The following NAB1 variants were observed in gnomAD, a reference collection of about 807,000 sequenced individuals.
NAB1 encodes NGFI-A-binding protein 1.
A neutral mutation model predicts 49.9 loss-of-function variants in NAB1; 25 were observed. The ratio of observed to expected loss-of-function variants is 0.50; its 90% CI spans 0.37 to 0.70. The LOEUF (loss-of-function observed/expected upper bound fraction) is 0.70. Among genes scored for constraint, NAB1 ranks in the 30% least tolerant of loss-of-function variants. The pLI is 0.00. For synonymous variants in NAB1, 198 were observed against 215.6 expected (o/e 0.92, Z 0.71); for missense variants, 489 against 575.9 (o/e 0.85, Z 1.54).
Position 190,670,569 on chromosome 2 carries a change from T to C in NAB1, c.953+110T>C. The C allele has an allele frequency of 8.2e-7, 1 of 1,223,754 alleles. No individual in the cohort carries two copies. Among genetic ancestry groups the C allele is most frequent in the Non-Finnish European group, 1.1e-6 (1 of 878,788 alleles). The allele number at this position is 1,223,754 out of a possible 1,614,324, so 75.8% of individuals were successfully genotyped here. ...ATTTCTGAAAAAGTGGAAGTATGATTATTGTTCTATGAAACTAAACAATGC... is the reference window on the plus strand; with the variant it reads ...ATTTCTGAAAAAGTGGAAGTATGATCATTGTTCTATGAAACTAAACAATGC... On this transcript the variant is annotated intron_variant, in intron 5 of 9. Transcript: ENST00000337386. This position sits in a 1 kb window ranked among gnomAD's most constrained non-coding sequence, Gnocchi z 5.3.
chr2:190,666,894 G>T lies in NAB1; in HGVS notation c.820-3432G>T, dbSNP rs1156446339. Among the ~76,000 whole-genome samples the T allele has an allele frequency of 6.6e-6, 1 of 152,112 alleles. No individual in the cohort carries two copies. Among genetic ancestry groups the T allele is most frequent in the Non-Finnish European group, 1.5e-5 (1 of 68,008 alleles). ...CTAACAGTGCTGCTGCAAGTGACGG[G>T]AATATTTTCATATTTTCCCAACTGC... On this transcript the variant is annotated intron_variant, in intron 4 of 9. Coordinates refer to ENST00000337386, the MANE Select transcript of NAB1 (RefSeq NM_005966.4). The surrounding 1 kb of genome is among the most constrained non-coding windows in gnomAD (Gnocchi z 5.6).
chr2:190,692,182 A>G lies in NAB1; in HGVS notation c.*1849A>G, dbSNP rs1228169201. The G allele has an allele frequency of 6.6e-6, 1 of 152,636 alleles. No homozygotes were observed. Among genetic ancestry groups the G allele is most frequent in the Non-Finnish European group, 1.5e-5 (1 of 68,026 alleles). 9.5% of individuals were successfully genotyped at this position (152,636 alleles called of 1,614,324 possible). On this transcript the variant is annotated 3_prime_UTR_variant, in exon 10 of 10. Transcript: ENST00000337386. The surrounding 1 kb of genome is among the most constrained non-coding windows in gnomAD (Gnocchi z 5.2). ...GCCATAGCACTGGTTAGTATATCTC[A>G]GTAGTTTCATGAAACGTTTCCTGTA... is the stretch of plus-strand genomic sequence containing the variant.
intron 6 of NAB1, among the ~76,000 whole-genome samples, chr2:190,681,277 G>T (rs866092765): frequency 9.2e-5 from 14 of 152,106 alleles, no homozygotes; most frequent in African/African-American, 3.4e-4. Flanking sequence ...CATAGGGACT[G>T]GTATATTGTA....
At chr2:190,671,616 G>A (rs1170703832) in intron 5 of NAB1, among the ~76,000 whole-genome samples, 2 of 151,770 alleles carry the variant, frequency 1.3e-5, no homozygotes, top group East Asian at 3.9e-4. Flanking sequence ...AGTGATACAT[G>A]TCCACAGTTC....
rs984747616 is a variant in NAB1 at position 190,689,015 on chromosome 2, T to C, written c.1376-1230T>C. On this transcript the variant is annotated intron_variant, in intron 9 of 9. Transcript: ENST00000337386. The surrounding 1 kb of genome is among the most constrained non-coding windows in gnomAD (Gnocchi z 4.3). Reference sequence around the variant, plus strand: ...CACTGCACCTGGCTAATTTTTTGTATTTTTAGTAGAGACGGGGTTTTACCG... The same window carrying C: ...CACTGCACCTGGCTAATTTTTTGTACTTTTAGTAGAGACGGGGTTTTACCG... Among the ~76,000 whole-genome samples the C allele has an allele frequency of 5.9e-5, 9 of 152,092 alleles. No individual in the cohort carries two copies. Among genetic ancestry groups the C allele is most frequent in the Non-Finnish European group, 1.2e-4 (8 of 67,992 alleles).
Position 190,691,905 on chromosome 2 carries a change from G to C in NAB1, c.*1572G>C, listed in dbSNP as rs1268938314. 6 of 152,624 alleles carry C rather than the reference G, an allele frequency of 3.9e-5. No individual in the cohort carries two copies. In the East Asian group the frequency reaches 1.2e-3, roughly 29 times the overall value. The allele number at this position is 152,624 out of a possible 1,614,324, so 9.5% of individuals were successfully genotyped here. On this transcript the variant is annotated 3_prime_UTR_variant, in exon 10 of 10. Coordinates refer to ENST00000337386, the MANE Select transcript of NAB1 (RefSeq NM_005966.4). This position sits in a 1 kb window ranked among gnomAD's most constrained non-coding sequence, Gnocchi z 4.1. ...CAGATCACTGTCACGTATATAAATT[G>C]CTTCTTCATTTTAATTTGTAGAAGT...
Position 190,659,725 on chromosome 2 carries a change from C to T in NAB1, c.549C>T (p.Ser183=), listed in dbSNP as rs745576664. Residue 183 remains serine, a synonymous_variant, in exon 4 of 10, where the codon TCC becomes TCT. Coordinates refer to ENST00000337386, the MANE Select transcript of NAB1 (RefSeq NM_005966.4). This position sits in a 1 kb window ranked among gnomAD's most constrained non-coding sequence, Gnocchi z 6.2. ...CAGCAGACCTGGGCTCCCCCGCGTC[C>T]CCAAAGGAGAGCAGTGAGGCGCTGG... The part of the protein sequence containing the change: ...LSPADLGSPA[S]PKESSEALDA... 7 of 1,613,872 alleles carry T rather than the reference C, an allele frequency of 4.3e-6. No homozygotes were observed. Among genetic ancestry groups the T allele is most frequent in the Non-Finnish European group, 5.9e-6 (7 of 1,179,976 alleles).
chr2:190,680,946 C>T lies in NAB1; in HGVS notation c.1006-2792C>T, dbSNP rs1324253675. ...TTAAAATGATTCTGCAAGTTAAGTA[C>T]TATTGTTATCCCCATTTTATAGATG... On this transcript the variant is annotated intron_variant, in intron 6 of 9. Coordinates refer to ENST00000337386, the MANE Select transcript of NAB1 (RefSeq NM_005966.4). The surrounding 1 kb of genome is among the most constrained non-coding windows in gnomAD (Gnocchi z 5.2). Among the ~76,000 whole-genome samples the T allele has an allele frequency of 6.6e-6, 1 of 152,138 alleles. No individual in the cohort carries two copies. Among genetic ancestry groups the T allele is most frequent in the African/African-American group, 2.4e-5 (1 of 41,422 alleles).
At chr2:190,660,908 C>T (rs561291644) in intron 4 of NAB1, among the ~76,000 whole-genome samples, 302 of 151,698 alleles carry the variant, frequency 2.0e-3, no homozygotes, top group African/African-American at 7.0e-3. Flanking sequence ...AAAATAAATG[C>T]GTTTTCAAAA....
chr2:190,670,220 A>T lies in NAB1; in HGVS notation c.820-106A>T, dbSNP rs762268515. On this transcript the variant is annotated intron_variant, in intron 4 of 9. Coordinates refer to ENST00000337386, the MANE Select transcript of NAB1 (RefSeq NM_005966.4). This position sits in a 1 kb window ranked among gnomAD's most constrained non-coding sequence, Gnocchi z 5.3. The stretch of plus-strand genomic sequence containing the variant: ...ACCATTCTGATTTTTATGAATAATG[A>T]TTCCATTATATAATGGTGTAACATT... The T allele has an allele frequency of 9.7e-7, 1 of 1,034,508 alleles. No homozygotes were observed. Among genetic ancestry groups the T allele is most frequent in the Non-Finnish European group, 1.4e-6 (1 of 736,028 alleles). 64.1% of individuals were successfully genotyped at this position (1,034,508 alleles called of 1,614,324 possible).
At chr2:190,662,395 T>TC in intron 4 of NAB1, among the ~76,000 whole-genome samples, 1 of 152,228 alleles carries the variant, frequency 6.6e-6, no homozygotes, top group African/African-American at 2.4e-5. Flanking sequence ...CTCTTTTTTT[T>TC]TTTTTTAAGC....
In NAB1 at chr2:190,661,459, T is replaced by C. The variant is rs77194674; in HGVS notation, c.819+1464T>C. 6.0e-4 allele frequency among the ~76,000 whole-genome samples: 92 copies of C among 152,276 alleles called. 3 individuals are homozygous for C. The East Asian group carries it at 0.016, about 26-fold the overall frequency. On this transcript the variant is annotated intron_variant, in intron 4 of 9. Coordinates refer to ENST00000337386, the MANE Select transcript of NAB1 (RefSeq NM_005966.4). ...GTTTCATGCTTTAACCTAGTTTTCT[T>C]ATAATTTTTAAAACATAGCAGATGA...
At chr2:190,658,504 C>G (rs1694046628) in intron 3 of NAB1, among the ~76,000 whole-genome samples, 1 of 152,204 alleles carries the variant, frequency 6.6e-6, no homozygotes, top group South Asian at 2.1e-4. Context: ...TAACTTCCTT[C>G]CTCACTTAGA....
chr2:190,655,110 A>G (rs1223408216), intron 2 of NAB1, among the ~76,000 whole-genome samples: 2 of 152,252 alleles, frequency 1.3e-5, no homozygotes, highest in African/African-American at 4.8e-5. Context: ...AAACTTGCAA[A>G]TATTTATGAC....
rs1420664336 is a variant in NAB1, at chr2:190,659,213, C to T, written c.37C>T (p.Gln13Ter). 1 of 1,612,992 alleles carries T rather than the reference C, an allele frequency of 6.2e-7. No homozygotes were observed. Among genetic ancestry groups the T allele is most frequent in the African/African-American group, 1.3e-5 (1 of 74,596 alleles). ...CTTACCCAGGACCCTGGGGGAGTTG[C>T]AGCTGTATAGAATATTACAAAAAGC... ...AALPRTLGEL[Q>*]LYRILQKANL... The change falls in exon 4 of 10, where the codon CAG (glutamine) becomes TAG (stop). Residue 13 changes from glutamine (Q) to a stop codon, truncating the protein, a stop_gained. Transcript: ENST00000337386. LOFTEE classifies it high-confidence loss of function. The surrounding 1 kb of genome is among the most constrained non-coding windows in gnomAD (Gnocchi z 6.2).
At position 190,684,699 on chromosome 2, in the gene NAB1, A is replaced by C. The variant is rs1695518160; in HGVS notation, c.1096-777A>C. ...TTCTTGTCCTACTCTCTTATATAGC[A>C]TGGTAGTGATTCATATCTGTGCATT... On this transcript the variant is annotated intron_variant, in intron 7 of 9. Transcript: ENST00000337386. This position sits in a 1 kb window ranked among gnomAD's most constrained non-coding sequence, Gnocchi z 4.6. Among the ~76,000 whole-genome samples, 1 of 152,164 alleles carries C rather than the reference A, an allele frequency of 6.6e-6. No individual in the cohort carries two copies. The highest frequency in any genetic ancestry group is 1.5e-5 in the Non-Finnish European group (1 of 68,030).
rs1347892476 is a variant in NAB1 at position 190,659,637 on chromosome 2, G to A, written c.461G>A (p.Ser154Asn). Residue 154 changes from serine (S) to asparagine (N), a missense_variant, in exon 4 of 10, where the codon AGT (serine) becomes AAT (asparagine). Transcript: ENST00000337386. This position sits in a 1 kb window ranked among gnomAD's most constrained non-coding sequence, Gnocchi z 6.2. ...SDVVGSLALQ[S>N]VGESRLWQGH... ...GTGGTTGGGAGCCTAGCACTGCAGA[G>A]TGTTGGTGAGTCCAGACTCTGGCAA... 6 of 1,613,976 alleles carry A rather than the reference G, an allele frequency of 3.7e-6. No homozygotes were observed. Among genetic ancestry groups the A allele is most frequent in the Admixed American group, 1.7e-5 (1 of 60,010 alleles).
rs1224324005 is a variant in NAB1, at chr2:190,690,792, G to C, written c.*459G>C. The C allele has an allele frequency of 6.5e-6, 1 of 152,910 alleles. No homozygotes were observed. Among genetic ancestry groups the C allele is most frequent in the African/African-American group, 2.4e-5 (1 of 41,460 alleles). The allele number at this position is 152,910 out of a possible 1,614,324, so 9.5% of individuals were successfully genotyped here. On this transcript the variant is annotated 3_prime_UTR_variant, in exon 10 of 10. Transcript: ENST00000337386. Reference sequence around the variant, plus strand: ...CAGAGTTTAGAATCTGCCTGCAGTTGTGAAAAAGAAAGCTTAAGTGATGCA... The same window carrying C: ...CAGAGTTTAGAATCTGCCTGCAGTTCTGAAAAAGAAAGCTTAAGTGATGCA...
chr2:190,673,024 A>G, intron 5 of NAB1, 77 bp from the exon 6 acceptor site: 11 of 1,370,558 alleles, frequency 8.0e-6, no homozygotes, highest in Admixed American at 1.8e-5. Context: ...GTGGAAGGTT[A>G]TAGGCTGAGA....
Sources: allele counts gnomAD v4.1 joint callset (sites outside exome capture counted in the v4.1 genomes callset), GRCh38; gene constraint gnomAD v4.1.1; non-coding constraint Gnocchi (gnomAD v3.1); transcripts MANE v1.5; gene names NCBI Gene and HGNC (gene_info 2026-07-23, HGNC 2026-07-21).